Variants in MACROD2 observed in about 807,000 individuals in gnomAD.
MACROD2 encodes the protein ADP-ribose glycohydrolase MACROD2.
A neutral mutation model predicts 70.4 loss-of-function variants in MACROD2; 36 were observed. The ratio of observed to expected loss-of-function variants is 0.51; its 90% CI spans 0.39 to 0.68. MACROD2 has a LOEUF of 0.68. Ranked by LOEUF, MACROD2 falls within the 30% of genes least tolerant of loss-of-function variation. The probability of loss-of-function intolerance (pLI) is 0.00; values close to 1 mark genes in which losing one functional copy is unlikely to be tolerated. For missense variants in MACROD2, 496 were observed against 538.4 expected (o/e 0.92, Z 0.78); for synonymous variants, 172 against 178.8 (o/e 0.96, Z 0.30).
At chr20:14,828,455 C>T (rs1028628390) in intron 5 of MACROD2, among the ~76,000 whole-genome samples, 6 of 152,124 alleles carry the variant, frequency 3.9e-5, no homozygotes, top group African/African-American at 1.4e-4. Context: ...ACATTCTTTT[C>T]TTAATTCAGT....
chr20:15,232,519 C>T (rs2076967819), intron 6 of MACROD2, among the ~76,000 whole-genome samples: 1 of 151,974 alleles, frequency 6.6e-6, no homozygotes, highest in Admixed American at 6.6e-5. Context: ...TTATTGCAGA[C>T]CTGTCCAACT....
intron 8 of MACROD2, among the ~76,000 whole-genome samples, chr20:15,830,398 G>A (rs2064042372): frequency 6.6e-6 from 1 of 152,166 alleles, no homozygotes; most frequent in African/African-American, 2.4e-5. Context: ...ATCTAGGCTG[G>A]TGTCAATATC....
intron 3 of MACROD2, among the ~76,000 whole-genome samples, chr20:14,227,329 TTCTTTTGC>T (rs1569215484): frequency 6.6e-6 from 1 of 152,218 alleles, no homozygotes; most frequent in East Asian, 1.9e-4. Context: ...GGAAGCTTTG[TTCTTTTGC>T]TCTTTGCAAT....
At chr20:14,521,489 T>A (rs1368107972) in intron 4 of MACROD2, among the ~76,000 whole-genome samples, 1 of 152,198 alleles carries the variant, frequency 6.6e-6, no homozygotes, top group Non-Finnish European at 1.5e-5. Context: ...TGCAGGTTTG[T>A]CTCCTACGGA....
intron 3 of MACROD2, among the ~76,000 whole-genome samples, chr20:14,093,617 A>G (rs2054182388): frequency 6.6e-6 from 1 of 152,092 alleles, no homozygotes; most frequent in African/African-American, 2.4e-5. Context: ...CGGTTAAACA[A>G]ACAGATTTTC....
chr20:15,651,717 C>T (rs1802644782), intron 8 of MACROD2, among the ~76,000 whole-genome samples: 1 of 152,144 alleles, frequency 6.6e-6, no homozygotes, highest in South Asian at 2.1e-4. Flanking sequence ...TTCCAGGCAC[C>T]TCCACTCGAG....
chr20:14,634,479 C>T (rs1373820816), intron 4 of MACROD2, among the ~76,000 whole-genome samples: 2 of 152,180 alleles, frequency 1.3e-5, no homozygotes, highest in Non-Finnish European at 2.9e-5. Context: ...TATTCATAAA[C>T]CTTGTGACTG....
At position 15,480,300 on chromosome 20, in the gene MACROD2, T is replaced by C. The variant is rs542201564; in HGVS notation, c.572-19474T>C. 2.6e-5 allele frequency among the ~76,000 whole-genome samples: 4 copies of C among 152,326 alleles called. No homozygotes were observed. In the East Asian group the frequency reaches 7.7e-4, roughly 29 times the overall value. ...GTTGGAATGAGCTGGTGCCCGCCGC[T>C]TCTTAACTCTTCGCTCCAGTTTTGG... On this transcript the variant is annotated intron_variant, in intron 7 of 17. Transcript: ENST00000684519.
At chr20:14,566,330 G>T (rs1001825903) in intron 4 of MACROD2, among the ~76,000 whole-genome samples, 1 of 151,884 alleles carries the variant, frequency 6.6e-6, no homozygotes, top group Admixed American at 6.6e-5. Flanking sequence ...GGAAGGCTGA[G>T]TCAGGAGGAT....
intron 15 of MACROD2, among the ~76,000 whole-genome samples, chr20:16,032,102 G>A (rs547256289): frequency 6.6e-6 from 1 of 152,042 alleles, no homozygotes; most frequent in Non-Finnish European, 1.5e-5. Context: ...TAAGGGTTAG[G>A]TTTATTGAAC....
chr20:14,765,211 C>T (rs2072070352), intron 5 of MACROD2, among the ~76,000 whole-genome samples: 1 of 152,100 alleles, frequency 6.6e-6, no homozygotes, highest in African/African-American at 2.4e-5. Context: ...GTCAGATTAA[C>T]AACTCCATTC....
chr20:14,809,750 A>T (rs1386473282), intron 5 of MACROD2, among the ~76,000 whole-genome samples: 11 of 152,112 alleles, frequency 7.2e-5, no homozygotes, highest in Admixed American at 7.2e-4. Context: ...AATAAAGGGG[A>T]TATCACCAGT....
At chr20:14,138,762 TCCACAC>T (rs2054832322) in intron 3 of MACROD2, among the ~76,000 whole-genome samples, 1 of 81,698 alleles carries the variant, frequency 1.2e-5, no homozygotes, top group Admixed American at 1.7e-4. Context: ...TCTTAAGTTT[TCCACAC>T]ACACACACAC....
intron 5 of MACROD2, among the ~76,000 whole-genome samples, chr20:15,158,274 A>C (rs1399964150): frequency 6.6e-6 from 1 of 152,312 alleles, no homozygotes; most frequent in African/African-American, 2.4e-5. Context: ...AAAGTAATTC[A>C]AATGATAAGA....
chr20:14,442,293 C>T (rs763441481), intron 3 of MACROD2, among the ~76,000 whole-genome samples: 18 of 151,678 alleles, frequency 1.2e-4, no homozygotes, highest in Non-Finnish European at 2.1e-4. Flanking sequence ...AAACAAAAAA[C>T]CCAAAATGAA....
chr20:15,665,450 T>C (rs2049884238), intron 8 of MACROD2, among the ~76,000 whole-genome samples: 2 of 152,174 alleles, frequency 1.3e-5, no homozygotes, highest in African/African-American at 4.8e-5. Flanking sequence ...TTTCATTCTC[T>C]GAGAAACCAC....
intron 5 of MACROD2, among the ~76,000 whole-genome samples, chr20:15,096,292 A>G (rs1353435886): frequency 6.6e-6 from 1 of 152,028 alleles, no homozygotes; most frequent in South Asian, 2.1e-4. Context: ...TTCTGGAGAC[A>G]TTAAGAAGCA....
intron 6 of MACROD2, among the ~76,000 whole-genome samples, chr20:15,341,815 C>T (rs534849072): frequency 6.6e-6 from 1 of 152,140 alleles, no homozygotes; most frequent in Non-Finnish European, 1.5e-5. Flanking sequence ...ATTAAGGAAG[C>T]CAAGGAGAGA....
intron 8 of MACROD2, among the ~76,000 whole-genome samples, chr20:15,820,472 A>G (rs1206682473): frequency 6.6e-6 from 1 of 152,160 alleles, no homozygotes; most frequent in Non-Finnish European, 1.5e-5. Context: ...GATTACAGTC[A>G]TGAACCACTG....
Sources: allele counts gnomAD v4.1 joint callset (sites outside exome capture counted in the v4.1 genomes callset), GRCh38; gene constraint gnomAD v4.1.1; transcripts MANE v1.5; gene names NCBI Gene and HGNC (gene_info 2026-07-23, HGNC 2026-07-21).